MCU: variants seen among roughly 807,000 people sequenced by gnomAD.
MCU encodes calcium uniporter protein, mitochondrial.
Under a neutral mutation model 45.2 loss-of-function variants are expected in MCU, and 12 were observed. The observed-to-expected ratio is 0.27, with a 90% CI of 0.17 to 0.43. The LOEUF (loss-of-function observed/expected upper bound fraction) is 0.43, where lower values mean the gene tolerates loss of function less well. Among genes scored for constraint, MCU ranks in the 20% least tolerant of loss-of-function variants. The pLI is 1.00. For missense variants in MCU, 324 were observed against 436.7 expected (o/e 0.74, Z 2.30); for synonymous variants, 160 against 165.1 (o/e 0.97, Z 0.24).
intron 1 of MCU, among the ~76,000 whole-genome samples, chr10:72,722,602 A>C (rs1224631701): frequency 6.6e-6 from 1 of 151,662 alleles, no homozygotes; most frequent in Admixed American, 6.6e-5. Flanking sequence ...AGCTATAGTT[A>C]CTTTTTAAAA....
At chr10:72,715,881 G>A (rs778831450) in intron 1 of MCU, 89 of 985,526 alleles carry the variant, frequency 9.0e-5, no homozygotes, top group Non-Finnish European at 1.0e-4. Context: ...TGTTCACGCA[G>A]GGGAAACTTG....
chr10:72,822,639 G>A (rs745351434), intron 1 of MCU, among the ~76,000 whole-genome samples: 5 of 152,110 alleles, frequency 3.3e-5, no homozygotes, highest in African/African-American at 4.8e-5. Context: ...TCAAAGCCAC[G>A]ATGAGATACC....
At chr10:72,816,121 A>G (rs1161783402) in intron 1 of MCU, among the ~76,000 whole-genome samples, 1 of 152,168 alleles carries the variant, frequency 6.6e-6, no homozygotes, top group Non-Finnish European at 1.5e-5. Context: ...CAGTGAGCCA[A>G]GATCATGCTA....
intron 1 of MCU, among the ~76,000 whole-genome samples, chr10:72,795,906 G>C (rs1048462749): frequency 1.3e-5 from 2 of 152,044 alleles, no homozygotes; most frequent in African/African-American, 4.8e-5. Context: ...GCTGAGGCAG[G>C]AGAATCGCTT....
chr10:72,825,635 AAG>A (rs57935501), intron 1 of MCU, among the ~76,000 whole-genome samples: 79,334 of 151,924 alleles, frequency 0.52, 22,636 homozygotes, highest in Non-Finnish European at 0.67. Context: ...TGGGAAAACA[AAG>A]AGGTTGATTT....
chr10:72,778,088 A>G (rs536198523), intron 1 of MCU, among the ~76,000 whole-genome samples: 1 of 152,334 alleles, frequency 6.6e-6, no homozygotes. Context: ...AATGTAAATT[A>G]CTACAGCCAC....
At chr10:72,818,368 C>T (rs889652677) in intron 1 of MCU, among the ~76,000 whole-genome samples, 2 of 152,264 alleles carry the variant, frequency 1.3e-5, no homozygotes, top group Middle Eastern at 3.4e-3. Flanking sequence ...AAGAAGCCAC[C>T]GACGTTCTTT....
chr10:72,731,047 CAA>C (rs1003305084), intron 1 of MCU: 7 of 152,258 alleles, frequency 4.6e-5, no homozygotes, highest in African/African-American at 1.7e-4. Flanking sequence ...CTTGGCCTCC[CAA>C]AGTGTTGGGA....
At position 72,885,949 on chromosome 10, in the gene MCU, A is replaced by C. The variant is rs1469861182; in HGVS notation, c.*127A>C. 1.5e-6 allele frequency: 1 copy of C among 669,696 alleles called. No homozygotes were observed. The highest frequency in any genetic ancestry group is 2.6e-6 in the Non-Finnish European group (1 of 384,468). 41.5% of individuals were successfully genotyped at this position (669,696 alleles called of 1,614,324 possible). A position where few individuals can be genotyped will look rare whatever the true frequency, so the allele number is the denominator to read the frequency against. On this transcript the variant is annotated 3_prime_UTR_variant, in exon 8 of 8. Coordinates refer to ENST00000373053, the MANE Select transcript of MCU (RefSeq NM_138357.3). The stretch of plus-strand genomic sequence containing the variant: ...TTTTACCTTTAATTATAAAACAAAA[A>C]CAGAAAGGATCTGAGGGAAGAAGGG...
chr10:72,877,568 T>C (rs7901016), intron 6 of MCU, among the ~76,000 whole-genome samples: 37,858 of 152,002 alleles, frequency 0.25, 10,950 homozygotes, highest in African/African-American at 0.71. Flanking sequence ...AGGCAATCAA[T>C]CAGTCCTTCC....
intron 1 of MCU, among the ~76,000 whole-genome samples, chr10:72,753,329 A>T (rs1190793004): frequency 6.6e-6 from 1 of 152,198 alleles, no homozygotes; most frequent in Non-Finnish European, 1.5e-5. Context: ...ATATTAATAC[A>T]TTAAGTTCTA....
chr10:72,774,571 T>C (rs1564552784), intron 1 of MCU, among the ~76,000 whole-genome samples: 1 of 152,104 alleles, frequency 6.6e-6, no homozygotes, highest in Non-Finnish European at 1.5e-5. Flanking sequence ...GAAGGTAGTA[T>C]TGTCAGTTCT....
intron 6 of MCU, among the ~76,000 whole-genome samples, chr10:72,880,149 A>G (rs1330442675): frequency 6.6e-6 from 1 of 152,268 alleles, no homozygotes; most frequent in East Asian, 1.9e-4. Context: ...TTGTCTGGGA[A>G]TAAGGTAGAA....
At chr10:72,715,169 T>C in intron 1 of MCU, 1 of 985,698 alleles carries the variant, frequency 1.0e-6, no homozygotes, top group Non-Finnish European at 1.2e-6. Context: ...TCACTCTCCA[T>C]GTACCATGCC....
chr10:72,860,520 A>T lies in MCU; in HGVS notation c.489A>T (p.Pro163=), dbSNP rs1200728780. The T allele has an allele frequency of 2.5e-6, 4 of 1,611,156 alleles. No homozygotes were observed. The highest frequency in any genetic ancestry group is 3.4e-6 in the Non-Finnish European group (4 of 1,177,670). The stretch of plus-strand genomic sequence containing the variant: ...ACTTAACATACCACGTACGACCACC[A>T]AAAAGAGGTAAAATAGTAACCTTGG... ...INDLTYHVRP[P]KRDLLSHENA... The change falls in exon 4 of 8, where the codon CCA becomes CCT. Residue 163 remains proline (P), a synonymous_variant. Transcript: ENST00000373053.
At chr10:72,868,946 T>C in intron 5 of MCU, 83 bp downstream of exon 5, 3 of 1,395,876 alleles carry the variant, frequency 2.1e-6, no homozygotes, top group Non-Finnish European at 2.9e-6. Flanking sequence ...TTGTAAGTTT[T>C]ATGCAATTGA....
intron 1 of MCU, among the ~76,000 whole-genome samples, chr10:72,713,947 TTGTGTGTGTGTGTGTGTGTGTGTG>T (rs72292523): frequency 7.2e-6 from 1 of 139,016 alleles, no homozygotes; most frequent in Non-Finnish European, 1.5e-5. Context: ...CTTTCATCAT[TTGTGTGTGTGTGTGTGTGTGTGTG>T]TGTGTGTGTG....
At position 72,778,064 on chromosome 10, in the gene MCU, A is replaced by G. The variant is rs886180538; in HGVS notation, c.151-56295A>G. Among the ~76,000 whole-genome samples, 7 of 152,324 alleles carry G rather than the reference A, an allele frequency of 4.6e-5. No homozygotes were observed. The South Asian group carries it at 6.2e-4, about 14-fold the overall frequency. ...TATGTCTAGAAAAGGGAACCCTCGT[A>G]AACTGTTCTTGGGAATGTAAATTAC... is the stretch of plus-strand genomic sequence containing the variant. On this transcript the variant is annotated intron_variant, in intron 1 of 7. Coordinates refer to ENST00000373053, the MANE Select transcript of MCU (RefSeq NM_138357.3).
intron 1 of MCU, among the ~76,000 whole-genome samples, chr10:72,745,524 C>T (rs539723836): frequency 1.1e-4 from 16 of 152,206 alleles, no homozygotes; most frequent in South Asian, 1.0e-3. Context: ...CCACCGTGCC[C>T]GGCCACTATT....
Sources: gnomAD v4.1 joint callset for allele counts (sites outside exome capture counted in the v4.1 genomes callset) on GRCh38, gnomAD v4.1.1 for gene constraint, MANE v1.5 for transcripts, NCBI Gene and HGNC (gene_info 2026-07-23, HGNC 2026-07-21) for gene names.